CYP27B1: variants seen among roughly 807,000 people sequenced by gnomAD.
CYP27B1 encodes the protein 25-hydroxyvitamin D-1 alpha hydroxylase, mitochondrial.
CYP27B1 carries 46 observed loss-of-function variants against 54.8 expected under a neutral mutation model. That is an observed-to-expected ratio of 0.84 (90% CI 0.66 to 1.07). CYP27B1 has a LOEUF of 1.07. Ranked by LOEUF, CYP27B1 falls within the 50% of genes least tolerant of loss-of-function variation. The probability of loss-of-function intolerance (pLI) is 0.00; values close to 1 mark genes in which losing one functional copy is unlikely to be tolerated. For synonymous variants in CYP27B1, 292 were observed against 297.3 expected (o/e 0.98, Z 0.18); for missense variants, 674 against 692.2 (o/e 0.97, Z 0.30).
In CYP27B1 at chr12:57,765,831, G is replaced by C; in HGVS notation, c.386+176C>G. On this transcript the variant is annotated intron_variant, in intron 2 of 8. Coordinates refer to ENST00000228606, the MANE Select transcript of CYP27B1 (RefSeq NM_000785.4). This position sits in a 1 kb window ranked among gnomAD's most constrained non-coding sequence, Gnocchi z 5.8. The stretch of plus-strand genomic sequence containing the variant: ...GGATAAGGAGGTAGGCGGGGAGTGA[G>C]GTTGGGGCTCAACCTGAGTGTGGGT... 3.9e-6 allele frequency: 5 copies of C among 1,275,392 alleles called. No homozygotes were observed. Among genetic ancestry groups the C allele is most frequent in the Non-Finnish European group, 5.2e-6 (5 of 952,566 alleles). 79.0% of individuals were successfully genotyped at this position (1,275,392 alleles called of 1,614,324 possible). A position where few individuals can be genotyped will look rare whatever the true frequency, so the allele number is the denominator to read the frequency against.
rs1226210314 is a variant in CYP27B1 at position 57,764,909 on chromosome 12, G to C, written c.808C>G (p.Arg270Gly). 1 of 1,614,104 alleles carries C rather than the reference G, an allele frequency of 6.2e-7. No individual in the cohort carries two copies. The highest frequency in any genetic ancestry group is 2.2e-5 in the East Asian group (1 of 44,882). The change falls in exon 5 of 9, where the codon CGG becomes GGG. Residue 270 changes from arginine (R) to glycine (G), a missense_variant. Coordinates refer to ENST00000228606, the MANE Select transcript of CYP27B1 (RefSeq NM_000785.4). ...MFAFAQRHVE[R>G]REAEAAMRNG... ...CTCATGGCTGCCTCTGCCTCTCGCC[G>C]CTCCACGTGCCTCTGAGCTGCGTGG...
At chr12:57,766,778 C>A (rs74679406) in intron 1 of CYP27B1, 69 bp downstream of exon 1, 2 of 1,526,664 alleles carry the variant, frequency 1.3e-6, no homozygotes, top group East Asian at 2.2e-5. Context: ...CTGCACTAGT[C>A]AGTCCTTTCT....
At position 57,766,510 on chromosome 12, in the gene CYP27B1, G is replaced by A. The variant is rs973045301; in HGVS notation, c.196-313C>T. ...CTGTCCATCTCAGGACGAGTCCTCA[G>A]TGAATGAAAAGGAACCCATGTAGCT... is the stretch of plus-strand genomic sequence containing the variant. On this transcript the variant is annotated intron_variant, in intron 1 of 8. Transcript: ENST00000228606. 13 of 567,394 alleles carry A rather than the reference G, an allele frequency of 2.3e-5. No individual in the cohort carries two copies. In the Admixed American group the frequency reaches 3.2e-4, roughly 14 times the overall value. The allele number at this position is 567,394 out of a possible 1,614,324, so 35.1% of individuals were successfully genotyped here.
In CYP27B1 at chr12:57,766,104, G is replaced by T; in HGVS notation, c.289C>A (p.Leu97Met). ...GGCCGGGGTCCCTCCTGTCGCAGCA[G>T]CTCCTCGACGAGTGCAGGGGCAGCC... ...YVAAPALVEE[L>M]LRQEGPRPER... is the part of the protein sequence containing the mutation. Residue 97 changes from leucine (L) to methionine (M), a missense_variant, in exon 2 of 9, where the codon CTG becomes ATG. Coordinates refer to ENST00000228606, the MANE Select transcript of CYP27B1 (RefSeq NM_000785.4). 6.5e-7 allele frequency: 1 copy of T among 1,546,520 alleles called. No individual in the cohort carries two copies. Among genetic ancestry groups the T allele is most frequent in the South Asian group, 1.2e-5 (1 of 84,384 alleles).
chr12:57,762,993 C>A lies in CYP27B1; in HGVS notation c.*149G>T. 1.5e-6 allele frequency: 1 copy of A among 684,958 alleles called. No individual in the cohort carries two copies. Among genetic ancestry groups the A allele is most frequent in the Non-Finnish European group, 2.7e-6 (1 of 372,308 alleles). The allele number at this position is 684,958 out of a possible 1,614,324, so 42.4% of individuals were successfully genotyped here. On this transcript the variant is annotated 3_prime_UTR_variant, in exon 9 of 9. Coordinates refer to ENST00000228606, the MANE Select transcript of CYP27B1 (RefSeq NM_000785.4). ...CCAAGTGCATACTTCACACATTGGT[C>A]AGGGCCGCCTCACACTTCACTATGG...
At position 57,762,587 on chromosome 12, in the gene CYP27B1, C is replaced by T. The variant is rs1022539219; in HGVS notation, c.*555G>A. 1.1e-5 allele frequency: 2 copies of T among 175,900 alleles called. No homozygotes were observed. The highest frequency in any genetic ancestry group is 4.7e-5 in the African/African-American group (2 of 42,236). 10.9% of individuals were successfully genotyped at this position (175,900 alleles called of 1,614,324 possible). A position where few individuals can be genotyped will look rare whatever the true frequency, so the allele number is the denominator to read the frequency against. On this transcript the variant is annotated 3_prime_UTR_variant, in exon 9 of 9. Coordinates refer to ENST00000228606, the MANE Select transcript of CYP27B1 (RefSeq NM_000785.4). ...GGGTAGACAGAGCCTACTAAGTAAG[C>T]TGCTTATCCCTTCTGCCACATGGTT...
intron 5 of CYP27B1, 38 bp downstream of exon 5, chr12:57,764,716 C>T (rs780169018): frequency 1.2e-6 from 2 of 1,613,700 alleles, no homozygotes; most frequent in Non-Finnish European, 1.7e-6. Context: ...GGAGGCTAAG[C>T]CCTGGAACCG....
chr12:57,763,262 AG>A lies in CYP27B1; in HGVS notation c.1414-8del. 5 of 1,602,286 alleles carry A rather than the reference AG, an allele frequency of 3.1e-6. No individual in the cohort carries two copies. Among genetic ancestry groups the A allele is most frequent in the African/African-American group, 1.3e-5 (1 of 74,818 alleles). ...CCTCAAAATGTGTTAGGATCTGGAA[AG>A]GGAAGAAGGTGAGCATTACTATGAA... On this transcript the variant is annotated splice_polypyrimidine_tract_variant and splice_region_variant and intron_variant, in intron 8 of 8. Coordinates refer to ENST00000228606, the MANE Select transcript of CYP27B1 (RefSeq NM_000785.4).
rs750002391 is a variant in CYP27B1, at chr12:57,764,791, C to T, written c.926G>A (p.Gly309Glu). ...REELPAQSIL[G>E]NVTELLLAGV... Reference sequence around the variant, plus strand: ...CGCCAATAGCAACTCTGTCACATTTCCCAGGATGGACTGGGCAGGCAACTC... The same window carrying T: ...CGCCAATAGCAACTCTGTCACATTTTCCAGGATGGACTGGGCAGGCAACTC... The change falls in exon 5 of 9, where the codon GGA becomes GAA. Residue 309 changes from glycine (G) to glutamate (E), a missense_variant. Gly to Glu is a moderately conservative substitution (Grantham distance 98). Coordinates refer to ENST00000228606, the MANE Select transcript of CYP27B1 (RefSeq NM_000785.4). 1.2e-6 allele frequency: 2 copies of T among 1,614,172 alleles called. No homozygotes were observed. The highest frequency in any genetic ancestry group is 1.1e-5 in the South Asian group (1 of 91,084).
chr12:57,764,954 C>G, intron 4 of CYP27B1, 28 bp from the exon 5 acceptor site: 1 of 1,614,110 alleles, frequency 6.2e-7, no homozygotes, highest in East Asian at 2.2e-5. Context: ...ACGTGAATAC[C>G]TCGCTACCCC....
chr12:57,764,128 A>C lies in CYP27B1; in HGVS notation c.1185T>G (p.Ile395Met), dbSNP rs756495841. ...PGNSRVPDKD[I>M]HVGDYIIPKN... ...TGGGGATAATATAGTCACCCACATG[A>C]ATGTCTTTGTCTGGGACACGAGAAT... Residue 395 changes from isoleucine to methionine, a missense_variant, in exon 7 of 9, where the codon ATT becomes ATG. Physicochemically the swap from Ile to Met is conservative, Grantham distance 10. Transcript: ENST00000228606. 1 of 1,613,980 alleles carries C rather than the reference A, an allele frequency of 6.2e-7. No homozygotes were observed. The highest frequency in any genetic ancestry group is 1.1e-5 in the South Asian group (1 of 91,082).
chr12:57,764,039 G>C, intron 7 of CYP27B1, 59 bp downstream of exon 7: 1 of 1,419,844 alleles, frequency 7.0e-7, no homozygotes, highest in Non-Finnish European at 1.0e-6. Context: ...TGAGAACAGG[G>C]TTGGGGCCCA....
rs577603625 is a variant in CYP27B1 at position 57,765,498 on chromosome 12, C to T, written c.388G>A (p.Glu130Lys). 3 of 1,609,476 alleles carry T rather than the reference C, an allele frequency of 1.9e-6. No homozygotes were observed. The highest frequency in any genetic ancestry group is 3.4e-5 in the Admixed American group (2 of 59,260). ...RQRACGLLTA[E>K]GEEWQRLRSL... is the part of the protein sequence containing the mutation. ...CGGAGCCTTTGCCATTCTTCGCCTT[C>T]CCTGCAGGGTTGAGGAGAGAGTGCG... The change falls in exon 3 of 9, where the codon GAA (glutamate) becomes AAA (lysine). Residue 130 changes from glutamate to lysine, a missense_variant and splice_region_variant. Transcript: ENST00000228606. This position sits in a 1 kb window ranked among gnomAD's most constrained non-coding sequence, Gnocchi z 5.8.
In CYP27B1 at chr12:57,767,052, A is replaced by C; in HGVS notation, c.-11T>G. On this transcript the variant is annotated 5_prime_UTR_variant, in exon 1 of 9. Transcript: ENST00000228606. ...GAGGGTCTGGGTCATGGTCTGGTTC[A>C]GGGTGCTCGCGAAAGAAAGCGCTTC... 1 of 1,613,958 alleles carries C rather than the reference A, an allele frequency of 6.2e-7. No homozygotes were observed. The highest frequency in any genetic ancestry group is 8.5e-7 in the Non-Finnish European group (1 of 1,179,842).
Position 57,762,915 on chromosome 12 carries a change from G to A in CYP27B1, c.*227C>T, listed in dbSNP as rs1311542698. 2.8e-5 allele frequency: 15 copies of A among 533,578 alleles called. No homozygotes were observed. Among genetic ancestry groups the A allele is most frequent in the Admixed American group, 1.1e-4 (4 of 35,968 alleles). The allele number at this position is 533,578 out of a possible 1,614,324, so 33.1% of individuals were successfully genotyped here. On this transcript the variant is annotated 3_prime_UTR_variant, in exon 9 of 9. Coordinates refer to ENST00000228606, the MANE Select transcript of CYP27B1 (RefSeq NM_000785.4). ...TTGGGGGATGCATACATGATCAGAA[G>A]GGCCAAGCAAGCAGAGAGACCATGG...
In CYP27B1 at chr12:57,763,179, G is replaced by A. The variant is rs1161799032; in HGVS notation, c.1490C>T (p.Pro497Leu). The A allele has an allele frequency of 6.2e-7, 1 of 1,613,936 alleles. No individual in the cohort carries two copies. Among genetic ancestry groups the A allele is most frequent in the African/African-American group, 1.3e-5 (1 of 74,930 alleles). The change falls in exon 9 of 9, where the codon CCT becomes CTT. Residue 497 changes from proline (P) to leucine (L), a missense_variant. By Grantham distance (98) the Pro-to-Leu change is moderately conservative. Coordinates refer to ENST00000228606, the MANE Select transcript of CYP27B1 (RefSeq NM_000785.4). Reference sequence around the variant, plus strand: ...AAACTGTAGGTTGATGCTCCTTTCAGGTACCAGGACAGTCCGGGTCTTGGG... The same window carrying A: ...AAACTGTAGGTTGATGCTCCTTTCAAGTACCAGGACAGTCCGGGTCTTGGG... ...VRPKTRTVLVPERSINLQFLD... is the reference protein window; with the variant it reads ...VRPKTRTVLVLERSINLQFLD...
chr12:57,763,505 A>G, intron 8 of CYP27B1, 106 bp downstream of exon 8: 1 of 1,052,044 alleles, frequency 9.5e-7, no homozygotes, highest in Non-Finnish European at 1.5e-6. Flanking sequence ...GATTCATTCT[A>G]CCAGGTCTTA....
chr12:57,766,915 G>A lies in CYP27B1; in HGVS notation c.127C>T (p.Pro43Ser), dbSNP rs1329033115. The part of the protein sequence containing the change: ...ARRSLADIPG[P>S]STPSFLAELF... The stretch of plus-strand genomic sequence containing the variant: ...TCGGCCAGAAAGCTGGGCGTAGAGG[G>A]GCCTGGGATGTCTGCCAAGCTCCGG... Residue 43 changes from proline (P) to serine (S), a missense_variant, in exon 1 of 9, where the codon CCC (proline) becomes TCC (serine). Physicochemically the swap from Pro to Ser is moderately conservative, Grantham distance 74. Coordinates refer to ENST00000228606, the MANE Select transcript of CYP27B1 (RefSeq NM_000785.4). The A allele has an allele frequency of 6.2e-7, 1 of 1,614,158 alleles. No homozygotes were observed. Among genetic ancestry groups the A allele is most frequent in the South Asian group, 1.1e-5 (1 of 91,082 alleles).
intron 1 of CYP27B1, 63 bp downstream of exon 1, chr12:57,766,783 CT>C: frequency 1.3e-6 from 2 of 1,561,120 alleles, no homozygotes; most frequent in Middle Eastern, 3.5e-4. Context: ...CTAGTCAGTC[CT>C]TTCTGACGCT....
Sources: allele counts gnomAD v4.1 joint callset, GRCh38; gene constraint gnomAD v4.1.1; non-coding constraint Gnocchi (gnomAD v3.1); transcripts MANE v1.5; gene names NCBI Gene and HGNC (gene_info 2026-07-23, HGNC 2026-07-21).